Variants in PTPRM observed in about 807,000 individuals in gnomAD.
PTPRM encodes the protein receptor-type tyrosine-protein phosphatase mu.
A neutral mutation model predicts 186.7 loss-of-function variants in PTPRM; 47 were observed. The ratio of observed to expected loss-of-function variants is 0.25; its 90% CI spans 0.20 to 0.32. PTPRM has a LOEUF of 0.32. Ranked by LOEUF, PTPRM falls within the 10% of genes least tolerant of loss-of-function variation. PTPRM has a pLI of 1.00. For synonymous variants in PTPRM, 668 were observed against 674.9 expected, an observed-to-expected ratio of 0.99 and a Z score of 0.16; for missense variants, 1,494 against 1,865.0, an observed-to-expected ratio of 0.80 and a Z score of 3.66.
At chr18:8,026,769 A>G (rs934668613) in intron 7 of PTPRM, among the ~76,000 whole-genome samples, 14 of 152,116 alleles carry the variant, frequency 9.2e-5, no homozygotes, top group Non-Finnish European at 1.6e-4. Flanking sequence ...GAGGCAGGAG[A>G]ATCACTTTAA....
chr18:8,350,814 A>G (rs186377880), intron 23 of PTPRM, among the ~76,000 whole-genome samples: 3 of 152,220 alleles, frequency 2.0e-5, no homozygotes, highest in Non-Finnish European at 4.4e-5. Context: ...AGTATTTGCC[A>G]TTTGCCACAC....
chr18:7,686,350 CA>C (rs2039602422), intron 1 of PTPRM, among the ~76,000 whole-genome samples: 1 of 152,074 alleles, frequency 6.6e-6, no homozygotes. Flanking sequence ...AAAAACTACT[CA>C]AAAAATGCAT....
At chr18:7,590,832 A>G (rs968911314) in intron 1 of PTPRM, among the ~76,000 whole-genome samples, 4 of 152,248 alleles carry the variant, frequency 2.6e-5, no homozygotes, top group Non-Finnish European at 5.9e-5. Flanking sequence ...TTAATTATAG[A>G]TAGTGGATTT....
chr18:7,567,672 C>A lies in PTPRM; in HGVS notation c.-147C>A. 1.5e-6 allele frequency: 1 copy of A among 657,542 alleles called. No homozygotes were observed. Among genetic ancestry groups the A allele is most frequent in the Non-Finnish European group, 2.3e-6 (1 of 426,400 alleles). The allele number at this position is 657,542 out of a possible 1,614,324, so 40.7% of individuals were successfully genotyped here. On this transcript the variant is annotated 5_prime_UTR_variant, in exon 1 of 33. Transcript: ENST00000580170. This position sits in a 1 kb window ranked among gnomAD's most constrained non-coding sequence, Gnocchi z 4.3. ...GGAGCCGCTGGAGTTCGGACTTCTG[C>A]AACTGTTGGCACTTTGGGGGCTTGG... is the stretch of plus-strand genomic sequence containing the variant.
At chr18:8,329,698 A>C (rs569912198) in intron 22 of PTPRM, among the ~76,000 whole-genome samples, 1 of 63,846 alleles carries the variant, frequency 1.6e-5, no homozygotes, top group East Asian at 5.2e-4. Flanking sequence ...CAGTGACTTC[A>C]GAATTACCCA....
intron 2 of PTPRM, among the ~76,000 whole-genome samples, chr18:7,855,983 T>C (rs955414568): frequency 6.6e-5 from 10 of 152,196 alleles, no homozygotes; most frequent in Non-Finnish European, 1.3e-4. Flanking sequence ...TTTTCTCAGC[T>C]TCTGGAAAAT....
chr18:8,405,878 C>T (rs1272043825), intron 32 of PTPRM, among the ~76,000 whole-genome samples: 12 of 152,140 alleles, frequency 7.9e-5, no homozygotes, highest in African/African-American at 1.2e-4. Context: ...CAGAACCTTC[C>T]GGGAATTCTA....
At chr18:8,023,485 A>G (rs1055279075) in intron 7 of PTPRM, among the ~76,000 whole-genome samples, 4 of 152,150 alleles carry the variant, frequency 2.6e-5, no homozygotes, top group Admixed American at 1.3e-4. Context: ...TTTCATTTTA[A>G]ATAGTGTAAG....
chr18:8,250,944 G>A (rs950409343), intron 17 of PTPRM, among the ~76,000 whole-genome samples: 10 of 152,158 alleles, frequency 6.6e-5, no homozygotes, highest in Non-Finnish European at 1.3e-4. Context: ...ATGTCTAGTA[G>A]TATAAGTGAC....
Position 7,926,505 on chromosome 18 carries a change from A to T in PTPRM, c.548-63A>T. Reference sequence around the variant, plus strand: ...AGGCCAAAAATTTCAGATAGATTGAAGAAGACATATATTAGTTACAAATCT... The same window carrying T: ...AGGCCAAAAATTTCAGATAGATTGATGAAGACATATATTAGTTACAAATCT... On this transcript the variant is annotated intron_variant, in intron 4 of 32. Transcript: ENST00000580170. 3.1e-6 allele frequency: 4 copies of T among 1,296,512 alleles called. No individual in the cohort carries two copies. The South Asian group carries it at 6.0e-5, about 19-fold the overall frequency. The allele number at this position is 1,296,512 out of a possible 1,614,324, so 80.3% of individuals were successfully genotyped here. A position where few individuals can be genotyped will look rare whatever the true frequency, so the allele number is the denominator to read the frequency against.
intron 1 of PTPRM, among the ~76,000 whole-genome samples, chr18:7,574,279 AT>A (rs1263008921): frequency 5.9e-5 from 9 of 152,328 alleles, no homozygotes; most frequent in African/African-American, 2.2e-4. Context: ...TAAAACTCAA[AT>A]GAATAAAAAA....
chr18:8,001,598 TATTCTC>T (rs986815266), intron 7 of PTPRM, among the ~76,000 whole-genome samples: 1 of 152,160 alleles, frequency 6.6e-6, no homozygotes, highest in African/African-American at 2.4e-5. Flanking sequence ...TTTATAGAGT[TATTCTC>T]AGGTATGTAT....
Position 7,955,365 on chromosome 18 carries a change from T to TGGC in PTPRM, c.1084_1086dup (p.Gly362dup). On this transcript the variant is annotated inframe_insertion, in exon 7 of 33. Transcript: ENST00000580170. ...TGCTCCTGACCAGGCCAGGGGAGGGTGGCACTGGCTCTCCTGGTCCAGCTC... is the reference window on the plus strand; with the variant it reads ...TGCTCCTGACCAGGCCAGGGGAGGGTGGCGGCACTGGCTCTCCTGGTCCAGCTC... The TGGC allele has an allele frequency of 6.2e-7, 1 of 1,613,964 alleles. No homozygotes were observed. The highest frequency in any genetic ancestry group is 8.5e-7 in the Non-Finnish European group (1 of 1,179,968).
chr18:7,869,147 A>G (rs1488086143), intron 2 of PTPRM, among the ~76,000 whole-genome samples: 1 of 152,154 alleles, frequency 6.6e-6, no homozygotes, highest in Non-Finnish European at 1.5e-5. Flanking sequence ...TGGAGGTGGG[A>G]TCTGCTGAGC....
At chr18:7,998,840 A>C (rs1255878056) in intron 7 of PTPRM, among the ~76,000 whole-genome samples, 1 of 152,070 alleles carries the variant, frequency 6.6e-6, no homozygotes, top group Non-Finnish European at 1.5e-5. Context: ...TTTTTAATAG[A>C]GACAGGATTT....
intron 22 of PTPRM, among the ~76,000 whole-genome samples, chr18:8,337,691 A>G (rs1253960295): frequency 7.6e-6 from 1 of 130,806 alleles, no homozygotes; most frequent in Non-Finnish European, 1.7e-5. Context: ...GACCTGAGGA[A>G]GTGACTTTTG....
intron 1 of PTPRM, among the ~76,000 whole-genome samples, chr18:7,646,830 C>T (rs1388761838): frequency 6.6e-6 from 1 of 152,056 alleles, no homozygotes; most frequent in Non-Finnish European, 1.5e-5. Context: ...AGATTGAGAG[C>T]CCTTCTTGAG....
rs1010737059 is a variant in PTPRM, at chr18:8,105,986, G to A, written c.1857-7500G>A. Among the ~76,000 whole-genome samples, 8 of 152,180 alleles carry A rather than the reference G, an allele frequency of 5.3e-5. No individual in the cohort carries two copies. The South Asian group carries it at 6.2e-4, about 12-fold the overall frequency. Reference sequence around the variant, plus strand: ...TGGAAAGAGAGAGGAGAACAAAGACGAAGACCATGCATGCCTTCAAGCTTC... The same window carrying A: ...TGGAAAGAGAGAGGAGAACAAAGACAAAGACCATGCATGCCTTCAAGCTTC... On this transcript the variant is annotated intron_variant, in intron 11 of 32. Transcript: ENST00000580170.
intron 32 of PTPRM, among the ~76,000 whole-genome samples, chr18:8,401,696 G>A (rs939815353): frequency 2.6e-5 from 4 of 152,370 alleles, no homozygotes; most frequent in South Asian, 2.1e-4. Flanking sequence ...CTGCGCAGAC[G>A]ACAAGGCTCG....
Sources: allele counts gnomAD v4.1 joint callset (sites outside exome capture counted in the v4.1 genomes callset), GRCh38; gene constraint gnomAD v4.1.1; non-coding constraint Gnocchi (gnomAD v3.1); transcripts MANE v1.5; gene names NCBI Gene and HGNC (gene_info 2026-07-23, HGNC 2026-07-21).